Variants in DNAH17 observed in about 807,000 individuals in gnomAD.
DNAH17 encodes axonemal beta dynein heavy chain 17.
In DNAH17, 376 loss-of-function variants were observed where a neutral mutation model predicts 485.6. The observed-to-expected ratio is 0.77, with a 90% CI of 0.71 to 0.84. DNAH17 has a LOEUF of 0.84. Among genes scored for constraint, DNAH17 ranks in the 40% least tolerant of loss-of-function variants. The pLI is 0.00. For synonymous variants in DNAH17, 3,031 were observed against 2,405.9 expected (o/e 1.26, Z -7.60); for missense variants, 6,370 against 5,839.3 (o/e 1.09, Z -2.96).
chr17:78,546,915 A>AC (rs758862980), intron 16 of DNAH17, among the ~76,000 whole-genome samples: 2 of 111,202 alleles, frequency 1.8e-5, no homozygotes, highest in African/African-American at 6.2e-5. Context: ...AAGAAAGAAA[A>AC]AAAAAAATTG....
At chr17:78,460,396 A>G (rs2088055682) in intron 58 of DNAH17, 139 bp from the exon 59 acceptor site, 2 of 646,064 alleles carry the variant, frequency 3.1e-6, no homozygotes, top group South Asian at 1.9e-5. Context: ...ATATATGTGC[A>G]TGAGTGTATG....
chr17:78,461,828 G>A (rs640292), intron 57 of DNAH17, 120 bp from the exon 58 acceptor site: 1 of 907,434 alleles, frequency 1.1e-6, no homozygotes, highest in Non-Finnish European at 1.6e-6. Flanking sequence ...CGTGTCTTAC[G>A]ACTCCCAGTG....
At chr17:78,514,672 ATCGGGC>A (rs2090732610) in intron 26 of DNAH17, 96 bp downstream of exon 26, 2 of 1,452,272 alleles carry the variant, frequency 1.4e-6, no homozygotes, top group Non-Finnish European at 1.8e-6. Context: ...CTTTACCAGC[ATCGGGC>A]CCTGAACACC....
intron 25 of DNAH17, among the ~76,000 whole-genome samples, chr17:78,519,084 C>T (rs1029148036): frequency 1.5e-5 from 2 of 137,032 alleles, no homozygotes; most frequent in Middle Eastern, 3.9e-3. Flanking sequence ...AGGAGAATGG[C>T]GTGAACCCAG....
chr17:78,522,524 G>GA (rs2090959359), intron 25 of DNAH17: 3 of 315,162 alleles, frequency 9.5e-6, no homozygotes, highest in South Asian at 8.6e-5. Context: ...ACAAGACCCT[G>GA]AAGATCTGCC....
At position 78,503,671 on chromosome 17, in the gene DNAH17, A is replaced by C. The variant is rs549761087; in HGVS notation, c.4957-660T>G. On this transcript the variant is annotated intron_variant, in intron 31 of 80. Coordinates refer to ENST00000389840, the MANE Select transcript of DNAH17 (RefSeq NM_173628.4). The stretch of plus-strand genomic sequence containing the variant: ...CCGGCTAATCAAAGACTCACCTAAA[A>C]AATGTGGCTGGGGTCCAGGCGCAGT... 5.9e-5 allele frequency among the ~76,000 whole-genome samples: 9 copies of C among 151,780 alleles called. No individual in the cohort carries two copies. The South Asian group carries it at 1.1e-3, about 18-fold the overall frequency.
intron 26 of DNAH17, 32 bp downstream of exon 26, chr17:78,514,742 C>T (rs1339538987): frequency 6.2e-6 from 10 of 1,605,304 alleles, no homozygotes; most frequent in Admixed American, 1.7e-5. Flanking sequence ...CCGCCAGGGG[C>T]GGTCCCCTCC....
At chr17:78,482,410 T>C (rs1369610538) in intron 48 of DNAH17, among the ~76,000 whole-genome samples, 1 of 152,266 alleles carries the variant, frequency 6.6e-6, no homozygotes, top group Admixed American at 6.5e-5. Context: ...ATATTTCAGA[T>C]ATTAATCCAC....
At chr17:78,532,857 G>C (rs1285885775) in intron 19 of DNAH17, 121 bp from the exon 20 acceptor site, 1 of 1,178,150 alleles carries the variant, frequency 8.5e-7, no homozygotes, top group Non-Finnish European at 1.2e-6. Context: ...AATCTCTCAT[G>C]ATGACCTGCT....
chr17:78,467,964 G>A (rs943861342), intron 55 of DNAH17, among the ~76,000 whole-genome samples: 9 of 149,566 alleles, frequency 6.0e-5, no homozygotes, highest in Non-Finnish European at 8.8e-5. Context: ...GTTGCAGTGA[G>A]CTAAGATCAC....
At chr17:78,492,111 A>T (rs2089885844) in intron 42 of DNAH17, among the ~76,000 whole-genome samples, 1 of 152,014 alleles carries the variant, frequency 6.6e-6, no homozygotes, top group South Asian at 2.1e-4. Context: ...GGCTAGGCAC[A>T]GCCCTCCCCT....
At chr17:78,438,041 G>A (rs2086909608) in intron 73 of DNAH17, among the ~76,000 whole-genome samples, 173 bp from the exon 74 acceptor site, 1 of 152,136 alleles carries the variant, frequency 6.6e-6, no homozygotes, top group Admixed American at 6.5e-5. Context: ...ACCAGGTGCT[G>A]GGCATGCCAG....
chr17:78,444,744 A>G lies in DNAH17; in HGVS notation c.11388T>C (p.Ser3796=), dbSNP rs1303049447. The G allele has an allele frequency of 6.2e-7, 1 of 1,601,364 alleles. No homozygotes were observed. The highest frequency in any genetic ancestry group is 2.2e-5 in the East Asian group (1 of 44,750). ...FKNLDSDIEG[S]AKRWKKLVES... ...CCACCAGCTTTTTCCAGCGCTTGGCAGATCCTTCGATGTCACTGTCCAGAT... is the reference window on the plus strand; with the variant it reads ...CCACCAGCTTTTTCCAGCGCTTGGCGGATCCTTCGATGTCACTGTCCAGAT... The change falls in exon 71 of 81, where the codon TCT becomes TCC. Residue 3796 remains serine, a synonymous_variant. Coordinates refer to ENST00000389840, the MANE Select transcript of DNAH17 (RefSeq NM_173628.4).
chr17:78,476,487 G>A, intron 52 of DNAH17, 85 bp downstream of exon 52: 5 of 1,452,496 alleles, frequency 3.4e-6, no homozygotes, highest in Non-Finnish European at 4.6e-6. Flanking sequence ...CCTTCTGAGA[G>A]GGCTGCAGTT....
chr17:78,478,706 A>T (rs2089211775), intron 51 of DNAH17, among the ~76,000 whole-genome samples: 1 of 139,572 alleles, frequency 7.2e-6, no homozygotes, highest in South Asian at 2.1e-4. Flanking sequence ...CATCATTACC[A>T]TCACCACCAC....
At chr17:78,466,861 G>A in intron 55 of DNAH17, 45 bp from the exon 56 acceptor site, 1 of 1,493,464 alleles carries the variant, frequency 6.7e-7, no homozygotes, top group Non-Finnish European at 9.0e-7. Context: ...GGACTGCAGT[G>A]CTGGGGCCTA....
At chr17:78,476,919 AGT>A (rs139164017) in intron 51 of DNAH17, among the ~76,000 whole-genome samples, 186 bp from the exon 52 acceptor site, 3 of 151,958 alleles carry the variant, frequency 2.0e-5, no homozygotes, top group Non-Finnish European at 2.9e-5. Flanking sequence ...CCCGGATGCC[AGT>A]GTGTGTGTGT....
intron 22 of DNAH17, 149 bp downstream of exon 22, chr17:78,529,323 G>T (rs2091163861): frequency 1.3e-6 from 1 of 777,932 alleles, no homozygotes; most frequent in Middle Eastern, 3.6e-4. Context: ...CCTCCTCCCT[G>T]CACCTCCCTG....
chr17:78,501,996 A>G lies in DNAH17; in HGVS notation c.5191-123T>C, dbSNP rs535274571. 12 of 1,422,198 alleles carry G rather than the reference A, an allele frequency of 8.4e-6. No individual in the cohort carries two copies. In the Admixed American group the frequency reaches 1.6e-4, roughly 19 times the overall value. 88.1% of individuals were successfully genotyped at this position (1,422,198 alleles called of 1,614,324 possible). ...ATGCTTTTGTTTACAGTAATGAAAA[A>G]CAAGAGCGCCCTCGGTAGGCCCCAG... is the stretch of plus-strand genomic sequence containing the variant. On this transcript the variant is annotated intron_variant, in intron 33 of 80. Transcript: ENST00000389840.
Sources: allele counts gnomAD v4.1 joint callset (sites outside exome capture counted in the v4.1 genomes callset), GRCh38; gene constraint gnomAD v4.1.1; transcripts MANE v1.5; gene names NCBI Gene and HGNC (gene_info 2026-07-23, HGNC 2026-07-21).